Variants in CTTNBP2NL observed in about 807,000 individuals in gnomAD.
CTTNBP2NL encodes the protein CTTNBP2 N-terminal-like protein.
A neutral mutation model predicts 32.5 loss-of-function variants in CTTNBP2NL; 16 were observed. The ratio of observed to expected loss-of-function variants is 0.49; its 90% CI spans 0.33 to 0.75. The LOEUF is 0.75. Ranked by LOEUF, CTTNBP2NL falls within the 30% of genes least tolerant of loss-of-function variation. The probability of loss-of-function intolerance (pLI) is 0.02; values close to 1 mark genes in which losing one functional copy is unlikely to be tolerated. For missense variants in CTTNBP2NL, 645 were observed against 756.0 expected (o/e 0.85, Z 1.72); for synonymous variants, 298 against 289.4 (o/e 1.03, Z -0.30).
chr1:112,392,510 C>T (rs960481960), upstream of CTTNBP2NL, among the ~76,000 whole-genome samples: 2 of 152,046 alleles, frequency 1.3e-5, no homozygotes, highest in Admixed American at 6.6e-5. Flanking sequence ...GTTTGTGTAT[C>T]GGGTCGAATG....
chr1:112,402,821 T>C (rs781654263), intron 1 of CTTNBP2NL, among the ~76,000 whole-genome samples: 17 of 152,170 alleles, frequency 1.1e-4, no homozygotes, highest in Non-Finnish European at 2.1e-4. Context: ...CCCCAAAGAC[T>C]TCTTCACTTC....
intron 1 of CTTNBP2NL, among the ~76,000 whole-genome samples, chr1:112,404,107 G>A (rs1026148243): frequency 2.0e-5 from 3 of 152,200 alleles, no homozygotes; most frequent in Non-Finnish European, 4.4e-5. Context: ...TTAAATGGAT[G>A]AAAGAGCAAG....
chr1:112,444,639 G>T (rs2483342), intron 3 of CTTNBP2NL, among the ~76,000 whole-genome samples: 76,836 of 151,920 alleles, frequency 0.51, 22,196 homozygotes, highest in South Asian at 0.7. Context: ...TGTTGTTATT[G>T]AATTAAAAAT....
chr1:112,447,165 T>C (rs1360906036), intron 3 of CTTNBP2NL, among the ~76,000 whole-genome samples: 1 of 151,152 alleles, frequency 6.6e-6, no homozygotes, highest in East Asian at 1.9e-4. Flanking sequence ...TCCCAGCTAC[T>C]TGGGAGGCTG....
chr1:112,392,945 T>G (rs1648221277), upstream of CTTNBP2NL, among the ~76,000 whole-genome samples: 1 of 152,018 alleles, frequency 6.6e-6, no homozygotes, highest in African/African-American at 2.4e-5. Context: ...GCAACCTCCA[T>G]CTCCTGGGTT....
intron 3 of CTTNBP2NL, among the ~76,000 whole-genome samples, chr1:112,439,191 C>T (rs1649826780): frequency 6.7e-6 from 1 of 148,680 alleles, no homozygotes; most frequent in African/African-American, 2.4e-5. Flanking sequence ...CCCTGGCATC[C>T]TGCTCTCACC....
At chr1:112,407,979 G>A (rs1648727379) in intron 1 of CTTNBP2NL, among the ~76,000 whole-genome samples, 1 of 150,672 alleles carries the variant, frequency 6.6e-6, no homozygotes, top group African/African-American at 2.4e-5. Flanking sequence ...CAAGTAGCTG[G>A]GACTACAGGC....
rs1650508378 is a variant in CTTNBP2NL, at chr1:112,460,162, G to A, written c.*2750G>A. ...AAGCATTAACTAGGCATTAACGTTT[G>A]TAAAGCCAAATATACCATGCAGAAG... is the stretch of plus-strand genomic sequence containing the variant. On this transcript the variant is annotated 3_prime_UTR_variant, in exon 6 of 6. Transcript: ENST00000271277. 3 of 152,202 alleles carry A rather than the reference G, an allele frequency of 2.0e-5. No homozygotes were observed. The highest frequency in any genetic ancestry group is 2.0e-4 in the Admixed American group (3 of 15,278). 9.4% of individuals were successfully genotyped at this position (152,202 alleles called of 1,614,324 possible).
rs536761344 is a variant in CTTNBP2NL, at chr1:112,456,310, T to C, written c.818T>C (p.Ile273Thr). The C allele has an allele frequency of 2.8e-4, 455 of 1,613,782 alleles. 1 individual carries two copies. The highest frequency in any genetic ancestry group is 8.5e-4 in the South Asian group (77 of 91,050). Residue 273 changes from isoleucine to threonine, a missense_variant, in exon 6 of 6, where the codon ATA becomes ACA. Coordinates refer to ENST00000271277, the MANE Select transcript of CTTNBP2NL (RefSeq NM_018704.3). ...GAAGAAATGGAAAGTTTAAAGAAGA[T>C]AGTGAAGGACCTAGAGGCTTCCCAC... ...LKEEMESLKKIVKDLEASHQH... is the reference protein window; with the variant it reads ...LKEEMESLKKTVKDLEASHQH...
intron 3 of CTTNBP2NL, among the ~76,000 whole-genome samples, chr1:112,416,641 C>T (rs1649075153): frequency 6.6e-6 from 1 of 152,014 alleles, no homozygotes; most frequent in South Asian, 2.1e-4. Flanking sequence ...TACAGGCGCA[C>T]ACCACCATGC....
upstream of CTTNBP2NL, among the ~76,000 whole-genome samples, chr1:112,393,529 C>T (rs937738844): frequency 1.3e-5 from 2 of 152,090 alleles, no homozygotes; most frequent in Non-Finnish European, 2.9e-5. Flanking sequence ...TTTACCTCTG[C>T]GTACACCTAT....
intron 3 of CTTNBP2NL, among the ~76,000 whole-genome samples, chr1:112,433,528 G>T (rs946717336): frequency 6.6e-6 from 1 of 152,170 alleles, no homozygotes; most frequent in Admixed American, 6.5e-5. Context: ...GGAGGCACAG[G>T]TTGCAGTGAG....
In CTTNBP2NL at chr1:112,456,545, T is replaced by C. The variant is rs766685200; in HGVS notation, c.1053T>C (p.His351=). 3.7e-6 allele frequency: 6 copies of C among 1,614,102 alleles called. No homozygotes were observed. Among genetic ancestry groups the C allele is most frequent in the African/African-American group, 1.3e-5 (1 of 75,038 alleles). The stretch of plus-strand genomic sequence containing the variant: ...ACTCATATGCAAAAACCAATGGCCA[T>C]TGTGACCCAGAGATACAAACTACCA... ...PAYSYAKTNG[H]CDPEIQTTRE... is the part of the protein sequence containing the mutation. The change falls in exon 6 of 6, where the codon CAT becomes CAC. Residue 351 remains histidine (H), a synonymous_variant. Transcript: ENST00000271277.
intron 3 of CTTNBP2NL, among the ~76,000 whole-genome samples, chr1:112,423,244 CA>C (rs1443288862): frequency 6.6e-6 from 1 of 152,050 alleles, no homozygotes; most frequent in African/African-American, 2.4e-5. Flanking sequence ...TATTTTCTCC[CA>C]GTCTGTGACT....
chr1:112,440,432 T>G (rs1252143340), intron 3 of CTTNBP2NL, among the ~76,000 whole-genome samples: 2 of 152,242 alleles, frequency 1.3e-5, no homozygotes. Flanking sequence ...TCTTGCATTC[T>G]TCATTCCATT....
chr1:112,412,912 C>T (rs189027108), intron 2 of CTTNBP2NL, among the ~76,000 whole-genome samples: 16 of 152,276 alleles, frequency 1.1e-4, no homozygotes, highest in Non-Finnish European at 1.6e-4. Flanking sequence ...GTGTGGGTAA[C>T]CATGCCTAGC....
intron 3 of CTTNBP2NL, among the ~76,000 whole-genome samples, chr1:112,439,508 T>C (rs1369446490): frequency 6.6e-6 from 1 of 152,178 alleles, no homozygotes; most frequent in East Asian, 1.9e-4. Flanking sequence ...TCCCATAGAA[T>C]ACCTTAACTA....
chr1:112,396,955 C>T (rs948323309), intron 1 of CTTNBP2NL, among the ~76,000 whole-genome samples: 1 of 152,206 alleles, frequency 6.6e-6, no homozygotes, highest in East Asian at 1.9e-4. Context: ...CTCCTTCACC[C>T]TTTGTACCTT....
chr1:112,457,416 C>G lies in CTTNBP2NL; in HGVS notation c.*4C>G, dbSNP rs1315293238. 22 of 1,596,908 alleles carry G rather than the reference C, an allele frequency of 1.4e-5. No homozygotes were observed. The highest frequency in any genetic ancestry group is 1.9e-5 in the Non-Finnish European group (22 of 1,170,420). On this transcript the variant is annotated 3_prime_UTR_variant, in exon 6 of 6. Coordinates refer to ENST00000271277, the MANE Select transcript of CTTNBP2NL (RefSeq NM_018704.3). Reference sequence around the variant, plus strand: ...ACTTTTGCCTACCAGCAGCTAGTCCCTAGGAGGGAGTCTCCACGTTTGACA... The same window carrying G: ...ACTTTTGCCTACCAGCAGCTAGTCCGTAGGAGGGAGTCTCCACGTTTGACA...
Sources: gnomAD v4.1 joint callset for allele counts (sites outside exome capture counted in the v4.1 genomes callset) on GRCh38, gnomAD v4.1.1 for gene constraint, MANE v1.5 for transcripts, NCBI Gene and HGNC (gene_info 2026-07-23, HGNC 2026-07-21) for gene names.